Variants in AGBL4 observed in about 807,000 individuals in gnomAD.
AGBL4 encodes the protein AGBL carboxypeptidase 4, also known as cytosolic carboxypeptidase 6.
A neutral mutation model predicts 66.4 loss-of-function variants in AGBL4; 58 were observed. The observed-to-expected ratio is 0.87, with a 90% CI of 0.71 to 1.09. The LOEUF (loss-of-function observed/expected upper bound fraction) is 1.09, where lower values mean the gene tolerates loss of function less well. Ranked by LOEUF, AGBL4 falls within the 50% of genes least tolerant of loss-of-function variation. The pLI, the probability that AGBL4 is intolerant of heterozygous loss-of-function variation, is 0.00. For synonymous variants in AGBL4, 234 were observed against 222.9 expected (o/e 1.05, Z -0.44); for missense variants, 579 against 631.0 (o/e 0.92, Z 0.88).
At chr1:48,993,999 G>T (rs1282202314) in intron 5 of AGBL4, among the ~76,000 whole-genome samples, 2 of 152,088 alleles carry the variant, frequency 1.3e-5, no homozygotes, top group Non-Finnish European at 2.9e-5. Flanking sequence ...CTTTTTTTGT[G>T]TAGATAGCTG....
At chr1:48,888,597 T>C (rs1183927159) in intron 5 of AGBL4, among the ~76,000 whole-genome samples, 1 of 152,222 alleles carries the variant, frequency 6.6e-6, no homozygotes, top group Non-Finnish European at 1.5e-5. Context: ...CCTTCTGCCA[T>C]GATTGATTGC....
At chr1:49,689,465 G>A (rs1379052055) in intron 3 of AGBL4, among the ~76,000 whole-genome samples, 1 of 152,112 alleles carries the variant, frequency 6.6e-6, no homozygotes, top group Admixed American at 6.5e-5. Context: ...TGCTGCTTTG[G>A]TTACTATAGC....
At chr1:49,616,153 T>C (rs984262733) in intron 3 of AGBL4, among the ~76,000 whole-genome samples, 6 of 152,162 alleles carry the variant, frequency 3.9e-5, no homozygotes, top group Non-Finnish European at 8.8e-5. Context: ...ATATTCTTTA[T>C]ATCATTTAAT....
rs556303533 is a variant in AGBL4 at position 49,225,494 on chromosome 1, C to A, written c.377+20276G>T. Among the ~76,000 whole-genome samples the A allele has an allele frequency of 3.5e-4, 54 of 152,292 alleles. 1 individual carries two copies. Among genetic ancestry groups the A allele is most frequent in the Admixed American group, 3.3e-3 (50 of 15,296 alleles). On this transcript the variant is annotated intron_variant, in intron 4 of 13. Coordinates refer to ENST00000371839, the MANE Select transcript of AGBL4 (RefSeq NM_032785.4). ...GCCATTACACAGGCTTCCAGTCAGG[C>A]AGATTAATCACAGAGTTCCACCAGA...
chr1:49,491,434 G>GA (rs1242963359), intron 3 of AGBL4, among the ~76,000 whole-genome samples: 4 of 151,582 alleles, frequency 2.6e-5, no homozygotes, highest in African/African-American at 9.7e-5. Flanking sequence ...TCAAAAGAAA[G>GA]AAAAAAATGG....
At chr1:49,149,178 AGTT>A (rs1646278141) in intron 4 of AGBL4, among the ~76,000 whole-genome samples, 1 of 152,226 alleles carries the variant, frequency 6.6e-6, no homozygotes, top group African/African-American at 2.4e-5. Context: ...TCTGCTAAGT[AGTT>A]ACCAGTCTCT....
At chr1:49,111,397 C>A (rs1645408364) in intron 4 of AGBL4, among the ~76,000 whole-genome samples, 1 of 152,238 alleles carries the variant, frequency 6.6e-6, no homozygotes, top group African/African-American at 2.4e-5. Flanking sequence ...CAGGCATGAG[C>A]CACCGCACCT....
chr1:49,240,391 C>T (rs750190844), intron 4 of AGBL4, among the ~76,000 whole-genome samples: 3 of 152,040 alleles, frequency 2.0e-5, no homozygotes, highest in Non-Finnish European at 4.4e-5. Flanking sequence ...TGAACTCCTA[C>T]CACCCACCAG....
chr1:49,739,938 C>A (rs1370686653), intron 2 of AGBL4, among the ~76,000 whole-genome samples: 1 of 152,096 alleles, frequency 6.6e-6, no homozygotes, highest in African/African-American at 2.4e-5. Context: ...GTACCGGCCA[C>A]CGCAAAAACA....
chr1:48,995,330 A>T (rs1660919674), intron 5 of AGBL4, among the ~76,000 whole-genome samples: 1 of 152,186 alleles, frequency 6.6e-6, no homozygotes, highest in Non-Finnish European at 1.5e-5. Flanking sequence ...CACCATTCAC[A>T]TTTCAGTCTC....
At position 49,559,487 on chromosome 1, in the gene AGBL4, G is replaced by C. The variant is rs139760658; in HGVS notation, c.282+137826C>G. Among the ~76,000 whole-genome samples, 226 of 152,282 alleles carry C rather than the reference G, an allele frequency of 1.5e-3. 4 individuals are homozygous for C. Among genetic ancestry groups the C allele is most frequent in the African/African-American group, 5.3e-3 (219 of 41,564 alleles). On this transcript the variant is annotated intron_variant, in intron 3 of 13. Transcript: ENST00000371839. The stretch of plus-strand genomic sequence containing the variant: ...GTGTGTTTCTGAGGGTCTTCCCAGA[G>C]AAGATTAACATTTCAGTCAGTGGAC...
chr1:49,783,375 T>TTC (rs1644380339), intron 2 of AGBL4, among the ~76,000 whole-genome samples: 2 of 151,912 alleles, frequency 1.3e-5, no homozygotes, highest in South Asian at 2.1e-4. Context: ...TGTTTGAAAA[T>TTC]AAATTAATAT....
chr1:49,556,516 TTATATATA>T (rs35314433), intron 3 of AGBL4, among the ~76,000 whole-genome samples: 3 of 146,686 alleles, frequency 2.0e-5, no homozygotes, highest in South Asian at 2.1e-4. Context: ...ATAAAAAAAA[TTATATATA>T]TATATATATA....
intron 3 of AGBL4, among the ~76,000 whole-genome samples, chr1:49,370,321 A>AT (rs1270175525): frequency 6.6e-6 from 1 of 151,932 alleles, no homozygotes; most frequent in Non-Finnish European, 1.5e-5. Context: ...GTGGACTACA[A>AT]ACTCAGGCAG....
chr1:49,372,905 C>T (rs558707069), intron 3 of AGBL4, among the ~76,000 whole-genome samples: 1 of 151,984 alleles, frequency 6.6e-6, no homozygotes, highest in African/African-American at 2.4e-5. Flanking sequence ...ACTATAGGCT[C>T]TCACCACCAT....
intron 5 of AGBL4, among the ~76,000 whole-genome samples, chr1:48,973,405 A>G (rs145053687): frequency 9.9e-5 from 15 of 152,268 alleles, no homozygotes; most frequent in African/African-American, 3.6e-4. Flanking sequence ...AAGTAATAAT[A>G]ATTTACAATA....
At chr1:49,743,241 AG>A (rs1192404973) in intron 2 of AGBL4, among the ~76,000 whole-genome samples, 1 of 152,244 alleles carries the variant, frequency 6.6e-6, no homozygotes, top group Non-Finnish European at 1.5e-5. Flanking sequence ...AACTGGGCAA[AG>A]GATATGAACA....
Position 48,761,539 on chromosome 1 carries a change from C to T in AGBL4, c.635-98298G>A. 4 of 1,434,378 alleles carry T rather than the reference C, an allele frequency of 2.8e-6. No individual in the cohort carries two copies. The South Asian group carries it at 5.4e-5, about 19-fold the overall frequency. 88.9% of individuals were successfully genotyped at this position (1,434,378 alleles called of 1,614,324 possible). On this transcript the variant is annotated intron_variant, in intron 6 of 13. Transcript: ENST00000371839. Reference sequence around the variant, plus strand: ...TGAGTCATTATGAGTTTAGAATGCCCAAAACCTCAAATGCTAGAAAATAAT... The same window carrying T: ...TGAGTCATTATGAGTTTAGAATGCCTAAAACCTCAAATGCTAGAAAATAAT...
chr1:49,436,994 A>T (rs1412339809), intron 3 of AGBL4, among the ~76,000 whole-genome samples: 2 of 152,194 alleles, frequency 1.3e-5, no homozygotes, highest in Non-Finnish European at 2.9e-5. Flanking sequence ...TCTTCTTTTC[A>T]TTCTGAACAA....
Sources: gnomAD v4.1 joint callset for allele counts (sites outside exome capture counted in the v4.1 genomes callset) on GRCh38, gnomAD v4.1.1 for gene constraint, MANE v1.5 for transcripts, NCBI Gene and HGNC (gene_info 2026-07-23, HGNC 2026-07-21) for gene names.